NEXMIF: variants seen among roughly 807,000 people sequenced by gnomAD.
The protein encoded by NEXMIF is neurite extension and migration factor.
A neutral mutation model predicts 62.1 loss-of-function variants in NEXMIF; 8 were observed. That is an observed-to-expected ratio of 0.13 (90% confidence interval 0.08 to 0.23). The LOEUF (loss-of-function observed/expected upper bound fraction) is 0.23, where lower values mean the gene tolerates loss of function less well. Ranked by LOEUF, NEXMIF falls within the 10% of genes least tolerant of loss-of-function variation. The pLI, the probability that NEXMIF is intolerant of heterozygous loss-of-function variation, is 1.00. For missense variants in NEXMIF, 976 were observed against 1,113.3 expected, an observed-to-expected ratio of 0.88 and a Z score of 1.75; for synonymous variants, 404 against 416.6, an observed-to-expected ratio of 0.97 and a Z score of 0.37.
At chrX:74,860,769 T>A (rs1453900245) in intron 1 of NEXMIF, among the ~76,000 whole-genome samples, 1 of 111,590 alleles carries the variant, frequency 9.0e-6, no homozygotes, top group Non-Finnish European at 1.9e-5. Flanking sequence ...GAGGGAAGTT[T>A]ATAGCTATAA....
intron 1 of NEXMIF, among the ~76,000 whole-genome samples, chrX:74,820,500 T>C (rs1164464589): frequency 9.0e-6 from 1 of 111,359 alleles, no homozygotes; most frequent in Non-Finnish European, 1.9e-5. Context: ...AATCCCACTA[T>C]TGGGTATATA....
chrX:74,839,725 T>C (rs1268995321), intron 1 of NEXMIF, among the ~76,000 whole-genome samples: 1 of 112,518 alleles, frequency 8.9e-6, no homozygotes, highest in Non-Finnish European at 1.9e-5. Context: ...TCCATCCATG[T>C]TCCCACAAAA....
At chrX:74,823,693 AAGAC>A (rs1228980013) in intron 1 of NEXMIF, among the ~76,000 whole-genome samples, 6 of 88,276 alleles carry the variant, frequency 6.8e-5, no homozygotes, top group African/African-American at 2.5e-4. Flanking sequence ...GAGACAGAGA[AAGAC>A]AGATAGATAG....
chrX:74,917,867 G>A lies in NEXMIF; in HGVS notation c.-48+7016C>T, dbSNP rs186795045. 1.1e-3 allele frequency among the ~76,000 whole-genome samples: 123 copies of A among 111,557 alleles called. 1 individual carries two copies. The highest frequency in any genetic ancestry group is 0.01 in the East Asian group (37 of 3,553). The stretch of plus-strand genomic sequence containing the variant: ...GTGTGGGGTGTGTGAAAGCTGAACA[G>A]GCATTTTGAAGAATCAGAGAGTTGA... On this transcript the variant is annotated intron_variant, in intron 1 of 3. Coordinates refer to ENST00000055682, the MANE Select transcript of NEXMIF (RefSeq NM_001008537.3).
At chrX:74,812,752 GT>G (rs1432507755) in intron 1 of NEXMIF, among the ~76,000 whole-genome samples, 1 of 111,648 alleles carries the variant, frequency 9.0e-6, no homozygotes, top group East Asian at 2.8e-4. Flanking sequence ...GAGTAGAAAA[GT>G]TTGAGAGACA....
chrX:74,891,987 A>T (rs1411783109), intron 1 of NEXMIF, among the ~76,000 whole-genome samples: 1 of 112,531 alleles, frequency 8.9e-6, no homozygotes, highest in Non-Finnish European at 1.9e-5. Flanking sequence ...GCACAGGGTC[A>T]GCAACGCTGG....
intron 1 of NEXMIF, among the ~76,000 whole-genome samples, chrX:74,844,353 G>A (rs2147490966): frequency 9.0e-6 from 1 of 111,648 alleles, no homozygotes; most frequent in African/African-American, 3.3e-5. Context: ...AATTTTCATG[G>A]ATGATATTCT....
At chrX:74,851,396 T>C (rs1237822151) in intron 1 of NEXMIF, among the ~76,000 whole-genome samples, 1 of 110,835 alleles carries the variant, frequency 9.0e-6, no homozygotes, top group African/African-American at 3.3e-5. Flanking sequence ...ATACATATCG[T>C]CTAAAAAGGT....
chrX:74,881,676 T>C (rs59144888), intron 1 of NEXMIF, among the ~76,000 whole-genome samples: 1,405 of 78,917 alleles, frequency 0.018, 24 homozygotes, highest in African/African-American at 0.083. Flanking sequence ...TCTCCAGGCA[T>C]TGCCAAATGT....
rs778222054 is a variant in NEXMIF at position 74,733,922 on chromosome X, C to T, written c.*5483G>A. The T allele has an allele frequency of 1.8e-5, 2 of 112,131 alleles. No homozygotes were observed. Among genetic ancestry groups the T allele is most frequent in the African/African-American group, 6.5e-5 (2 of 30,891 alleles). The allele number at this position is 112,131 out of a possible 1,213,427, so 9.2% of individuals were successfully genotyped here. A position where few individuals can be genotyped will look rare whatever the true frequency, so the allele number is the denominator to read the frequency against. On this transcript the variant is annotated 3_prime_UTR_variant, in exon 4 of 4. Coordinates refer to ENST00000055682, the MANE Select transcript of NEXMIF (RefSeq NM_001008537.3). ...ACCTAGTGGTGCAGAAAAAGGAAAA[C>T]TCTCACATACAGACACTTCACAGCA...
chrX:74,907,341 C>CT (rs940331948), intron 1 of NEXMIF, among the ~76,000 whole-genome samples: 1 of 67,970 alleles, frequency 1.5e-5, no homozygotes, highest in African/African-American at 5.7e-5. Context: ...AGCACCCCCC[C>CT]CCCCGCCCCT....
At chrX:74,759,528 A>G (rs756057800) in intron 1 of NEXMIF, among the ~76,000 whole-genome samples, 61 of 112,205 alleles carry the variant, frequency 5.4e-4, no homozygotes, top group African/African-American at 1.9e-3. Context: ...TGGGTTTTAC[A>G]TTTAAGTCTT....
intron 1 of NEXMIF, among the ~76,000 whole-genome samples, chrX:74,882,361 G>A (rs764094252): frequency 3.7e-4 from 41 of 112,237 alleles, no homozygotes; most frequent in African/African-American, 4.9e-4. Context: ...CGCCTCACCC[G>A]GGAAGTGCAA....
At chrX:74,796,180 T>TATTTATATATA (rs1176380011) in intron 1 of NEXMIF, among the ~76,000 whole-genome samples, 7 of 71,709 alleles carry the variant, frequency 9.8e-5, no homozygotes, top group African/African-American at 3.4e-4. Context: ...ATTATATATA[T>TATTTATATATA]ACATATATAT....
intron 1 of NEXMIF, among the ~76,000 whole-genome samples, chrX:74,818,063 A>G (rs1226438826): frequency 1.8e-5 from 2 of 111,057 alleles, no homozygotes; most frequent in African/African-American, 6.5e-5. Flanking sequence ...TGCTATTCCT[A>G]TGAAACCACC....
chrX:74,834,071 T>C (rs1417249497), intron 1 of NEXMIF, among the ~76,000 whole-genome samples: 1 of 104,138 alleles, frequency 9.6e-6, no homozygotes, highest in Non-Finnish European at 2.0e-5. Flanking sequence ...GAGGCGGAGG[T>C]TGCGGTGAGC....
intron 1 of NEXMIF, among the ~76,000 whole-genome samples, chrX:74,793,348 G>A (rs1413984853): frequency 9.2e-6 from 1 of 109,179 alleles, no homozygotes; most frequent in Non-Finnish European, 1.9e-5. Context: ...GAGATCCGCT[G>A]TTAGTCTGAT....
At chrX:74,858,156 G>A (rs2080542253) in intron 1 of NEXMIF, among the ~76,000 whole-genome samples, 1 of 111,708 alleles carries the variant, frequency 9.0e-6, no homozygotes, top group Admixed American at 9.5e-5. Context: ...AGAGCTCTGC[G>A]ACCTTAAGAA....
At chrX:74,880,952 A>G (rs188478412) in intron 1 of NEXMIF, among the ~76,000 whole-genome samples, 37 of 111,262 alleles carry the variant, frequency 3.3e-4, no homozygotes, top group Non-Finnish European at 4.1e-4. Flanking sequence ...AACGATCATG[A>G]ACACTGTCCC....
Sources: gnomAD v4.1 joint callset for allele counts (sites outside exome capture counted in the v4.1 genomes callset) on GRCh38, gnomAD v4.1.1 for gene constraint, MANE v1.5 for transcripts, NCBI Gene and HGNC (gene_info 2026-07-23, HGNC 2026-07-21) for gene names.